PCNT: variants seen among roughly 807,000 people sequenced by gnomAD.
PCNT encodes pericentrin, also known as kendrin.
Under a neutral mutation model 380.4 loss-of-function variants are expected in PCNT, and 319 were observed. The ratio of observed to expected loss-of-function variants is 0.84; its 90% CI spans 0.77 to 0.92. The LOEUF is 0.92. Ranked by LOEUF, PCNT falls within the 40% of genes least tolerant of loss-of-function variation. The pLI, the probability that PCNT is intolerant of heterozygous loss-of-function variation, is 0.00. For missense variants in PCNT, 4,400 were observed against 4,255.3 expected, an observed-to-expected ratio of 1.03 and a Z score of -0.95; for synonymous variants, 1,845 against 1,735.2, an observed-to-expected ratio of 1.06 and a Z score of -1.57.
At chr21:46,443,663 T>A in intron 44 of PCNT, 147 bp from the exon 45 acceptor site, 1 of 797,982 alleles carries the variant, frequency 1.3e-6, no homozygotes. Flanking sequence ...TAAAAAGATA[T>A]TGTACCTTGA....
chr21:46,361,306 G>A (rs752033864), intron 13 of PCNT, among the ~76,000 whole-genome samples: 27 of 152,216 alleles, frequency 1.8e-4, no homozygotes, highest in Admixed American at 5.2e-4. Flanking sequence ...CAGGAGAATC[G>A]CTTGAAACCA....
chr21:46,428,294 G>A, intron 34 of PCNT, 101 bp from the exon 35 acceptor site: 1 of 1,061,502 alleles, frequency 9.4e-7, no homozygotes, highest in Non-Finnish European at 1.4e-6. Context: ...GACTCAGCAG[G>A]CTTGTCCCGG....
rs570767729 is a variant in PCNT at position 46,380,241 on chromosome 21, A to G, written c.3166-1453A>G. ...CAGTGGCGCAATCTAGGCTCACTGC[A>G]AGCTCTGCCTCCCAGGTTCACACCA... On this transcript the variant is annotated intron_variant, in intron 15 of 46. Coordinates refer to ENST00000359568, the MANE Select transcript of PCNT (RefSeq NM_006031.6). 3.8e-5 allele frequency among the ~76,000 whole-genome samples: 5 copies of G among 133,166 alleles called. No homozygotes were observed. The East Asian group carries it at 1.2e-3, about 31-fold the overall frequency. 87.4% of individuals were successfully genotyped at this position (133,166 alleles called of 152,430 possible).
In PCNT at chr21:46,435,905, G is replaced by A. The variant is rs144828408; in HGVS notation, c.8753G>A (p.Arg2918Gln). 476 of 1,614,108 alleles carry A rather than the reference G, an allele frequency of 2.9e-4. 2 individuals carry two copies. The highest frequency in any genetic ancestry group is 1.6e-4 in the Middle Eastern group (1 of 6,062). ...CTGTCTTTTTTCTGTTAACAACAGC[G>A]AGAATTAGAACTGCAGCGTCAGCGT... ...RKWQRDKEKL[R>Q]ELELQRQRDL... The change falls in exon 39 of 47, where the codon CGA becomes CAA. Residue 2918 changes from arginine to glutamine, a missense_variant and splice_region_variant. Coordinates refer to ENST00000359568, the MANE Select transcript of PCNT (RefSeq NM_006031.6).
intron 21 of PCNT, 58 bp downstream of exon 21, chr21:46,391,434 A>T: frequency 7.2e-7 from 1 of 1,392,754 alleles, no homozygotes; most frequent in Non-Finnish European, 9.9e-7. Context: ...TACAGCTGCC[A>T]CGGTTTCCCC....
In PCNT at chr21:46,442,543, G is replaced by A; in HGVS notation, c.9670G>A (p.Ala3224Thr). ...ATGGCAAGAAGTAGATCGGAAAGGA[G>A]CTCTGGCACAAGGCAAAGCCCCTCG... ...KKWQEVDRKG[A>T]LAQGKAPRPG... Residue 3224 changes from alanine to threonine, a missense_variant, in exon 44 of 47, where the codon GCT becomes ACT. Ala to Thr is a moderately conservative substitution (Grantham distance 58, BLOSUM62 0). Transcript: ENST00000359568. 1 of 1,612,690 alleles carries A rather than the reference G, an allele frequency of 6.2e-7. No individual in the cohort carries two copies. Among genetic ancestry groups the A allele is most frequent in the Non-Finnish European group, 8.5e-7 (1 of 1,178,766 alleles).
intron 22 of PCNT, 129 bp from the exon 23 acceptor site, chr21:46,397,885 G>C (rs1026081482): frequency 4.2e-6 from 3 of 706,012 alleles, no homozygotes; most frequent in Non-Finnish European, 5.1e-6. Flanking sequence ...CTGTGATGAG[G>C]GGGGTATTTG....
At chr21:46,407,742 G>A (rs186799377) in intron 27 of PCNT, among the ~76,000 whole-genome samples, 1 of 152,238 alleles carries the variant, frequency 6.6e-6, no homozygotes, top group Admixed American at 6.5e-5. Flanking sequence ...TTTTATTCCT[G>A]ATATTAGTGA....
Position 46,366,864 on chromosome 21 carries a change from C to T in PCNT, c.2890C>T (p.His964Tyr). 1 of 1,614,144 alleles carries T rather than the reference C, an allele frequency of 6.2e-7. No individual in the cohort carries two copies. The highest frequency in any genetic ancestry group is 8.5e-7 in the Non-Finnish European group (1 of 1,180,056). Residue 964 changes from histidine to tyrosine, a missense_variant, in exon 15 of 47, where the codon CAT becomes TAT. Transcript: ENST00000359568. ...CGACCTCGGCGCTCTGGAGACCAGA[C>T]ATCTGTCCAGCCTTGATTCTTTGGA... ...AADLGALETR[H>Y]LSSLDSLESC...
intron 15 of PCNT, among the ~76,000 whole-genome samples, chr21:46,372,055 C>T (rs2085157632): frequency 6.8e-6 from 1 of 147,408 alleles, no homozygotes; most frequent in Non-Finnish European, 1.5e-5. Flanking sequence ...GCATATGTGC[C>T]CATACAAGGC....
Position 46,397,437 on chromosome 21 carries a change from G to T in PCNT, c.4389G>T (p.Leu1463=), listed in dbSNP as rs755238524. The change falls in exon 22 of 47, where the codon CTG becomes CTT. Residue 1463 remains leucine, a synonymous_variant. Transcript: ENST00000359568. ...CAKQAEAVTA[L]EQQVASLDKH... is the part of the protein sequence containing the mutation. ...AGCAGGCGGAGGCCGTCACTGCCCT[G>T]GAACAGCAGGTGGCATCTCTGGACA... 1.2e-5 allele frequency: 19 copies of T among 1,614,044 alleles called. No homozygotes were observed. The African/African-American group carries it at 2.1e-4, about 18-fold the overall frequency.
At position 46,442,583 on chromosome 21, in the gene PCNT, C is replaced by T. The variant is rs199917135; in HGVS notation, c.9700+10C>T. 3.2e-4 allele frequency: 496 copies of T among 1,563,694 alleles called. 3 individuals are homozygous for T. In the African/African-American group the frequency reaches 5.9e-3, roughly 19 times the overall value. On this transcript the variant is annotated intron_variant, in intron 44 of 46. Coordinates refer to ENST00000359568, the MANE Select transcript of PCNT (RefSeq NM_006031.6). Reference sequence around the variant, plus strand: ...AAAGCCCCTCGCCCAGGTGGGACTCCAGCTGCTGTTGACCGCTGGACTCAC... The same window carrying T: ...AAAGCCCCTCGCCCAGGTGGGACTCTAGCTGCTGTTGACCGCTGGACTCAC...
intron 3 of PCNT, among the ~76,000 whole-genome samples, chr21:46,344,106 C>G (rs1279316150): frequency 6.6e-6 from 1 of 151,242 alleles, no homozygotes; most frequent in Admixed American, 6.6e-5. Flanking sequence ...GCTCTGTCAC[C>G]CAGGCTGGAG....
Position 46,363,678 on chromosome 21 carries a change from A to G in PCNT, c.2353A>G (p.Ile785Val), listed in dbSNP as rs772309220. Residue 785 changes from isoleucine (I) to valine (V), a missense_variant, in exon 14 of 47, where the codon ATC becomes GTC. Physicochemically the swap from Ile to Val is conservative, Grantham distance 29. Coordinates refer to ENST00000359568, the MANE Select transcript of PCNT (RefSeq NM_006031.6). ...AAAGGCTGAATCCGAGAAACAGACC[A>G]TCATAAACAAGTTTGAGCTTCGAGA... ...REKAESEKQT[I>V]INKFELREAE... The G allele has an allele frequency of 8.1e-6, 13 of 1,614,246 alleles. No individual in the cohort carries two copies. In the Admixed American group the frequency reaches 8.3e-5, roughly 10 times the overall value.
chr21:46,390,962 C>T (rs748647693), intron 20 of PCNT, 130 bp downstream of exon 20: 91 of 1,250,236 alleles, frequency 7.3e-5, no homozygotes, highest in Non-Finnish European at 9.5e-5. Flanking sequence ...ACATGGGAGG[C>T]ACCCATGGTT....
At chr21:46,403,917 G>A (rs547858641) in intron 27 of PCNT, among the ~76,000 whole-genome samples, 1 of 132,834 alleles carries the variant, frequency 7.5e-6, no homozygotes, top group Non-Finnish European at 1.7e-5. Context: ...TGTGTGTGTG[G>A]TGCCCACGCG....
chr21:46,413,797 C>T (rs562067161), intron 29 of PCNT, among the ~76,000 whole-genome samples: 19 of 152,168 alleles, frequency 1.2e-4, no homozygotes, highest in African/African-American at 4.6e-4. Context: ...CACTTCTTTT[C>T]CCCGGGGAAG....
chr21:46,431,472 A>G, intron 37 of PCNT, 57 bp from the exon 38 acceptor site: 1 of 1,613,360 alleles, frequency 6.2e-7, no homozygotes, highest in Non-Finnish European at 8.5e-7. Flanking sequence ...CAGGAAAACC[A>G]TGTAGACACT....
chr21:46,402,322 T>G lies in PCNT; in HGVS notation c.4963-9T>G, dbSNP rs1264231047. The stretch of plus-strand genomic sequence containing the variant: ...TTTTAATACTTTTCTTCTTTTGTTT[T>G]AATGAAAGGTTTTGGACTTAAAAGA... On this transcript the variant is annotated splice_polypyrimidine_tract_variant and intron_variant, in intron 26 of 46. Transcript: ENST00000359568. 14 of 1,577,282 alleles carry G rather than the reference T, an allele frequency of 8.9e-6. No homozygotes were observed. Among genetic ancestry groups the G allele is most frequent in the Non-Finnish European group, 1.0e-5 (12 of 1,147,642 alleles).
Sources: allele counts gnomAD v4.1 joint callset (sites outside exome capture counted in the v4.1 genomes callset), GRCh38; gene constraint gnomAD v4.1.1; transcripts MANE v1.5; gene names NCBI Gene and HGNC (gene_info 2026-07-23, HGNC 2026-07-21).